Variants in SORD observed in about 807,000 individuals in gnomAD.
SORD encodes the protein (R,R)-butanediol dehydrogenase.
Under a neutral mutation model 35.6 loss-of-function variants are expected in SORD, and 18 were observed. The observed-to-expected ratio is 0.51, with a 90% CI of 0.35 to 0.75. The LOEUF is 0.75. Among genes scored for constraint, SORD ranks in the 30% least tolerant of loss-of-function variants. The pLI is 0.01. For missense variants in SORD, 250 were observed against 390.2 expected (o/e 0.64, Z 3.03); for synonymous variants, 106 against 152.9 (o/e 0.69, Z 2.26).
intron 4 of SORD, among the ~76,000 whole-genome samples, chr15:45,064,880 C>A (rs976391872): frequency 9.9e-5 from 15 of 152,190 alleles, no homozygotes; most frequent in Admixed American, 9.8e-4. Flanking sequence ...ATAATGTGTT[C>A]ATTTCACTGA....
At chr15:45,047,396 G>A (rs184153753) in intron 3 of SORD, among the ~76,000 whole-genome samples, 5 of 152,268 alleles carry the variant, frequency 3.3e-5, no homozygotes, top group African/African-American at 1.2e-4. Context: ...AGGCTCCAGA[G>A]GGCCCGAACA....
intron 5 of SORD, among the ~76,000 whole-genome samples, chr15:45,066,199 T>A (rs1290810666): frequency 6.8e-6 from 1 of 147,276 alleles, no homozygotes; most frequent in Non-Finnish European, 1.5e-5. Flanking sequence ...GAGCCAAGAT[T>A]GTGCCACTGC....
rs751206900 is a variant in SORD, at chr15:45,073,546, C to T, written c.*16C>T. On this transcript the variant is annotated 3_prime_UTR_variant, in exon 9 of 9. Transcript: ENST00000267814. ...GAATCCCTGATGTTAATGGGCTCTG[C>T]CCTCATCCCCACAGTCTTGGGATCT... 6 of 1,598,440 alleles carry T rather than the reference C, an allele frequency of 3.8e-6. No individual in the cohort carries two copies. Among genetic ancestry groups the T allele is most frequent in the South Asian group, 2.2e-5 (2 of 89,884 alleles).
chr15:45,053,652 T>C (rs576629926), intron 3 of SORD, among the ~76,000 whole-genome samples: 19 of 152,150 alleles, frequency 1.2e-4, no homozygotes, highest in African/African-American at 4.3e-4. Context: ...TTTTATTTTA[T>C]TATTATTATA....
Position 45,068,238 on chromosome 15 carries a change from T to G in SORD, c.602T>G (p.Val201Gly), listed in dbSNP as rs201399365. 6.2e-7 allele frequency: 1 copy of G among 1,612,214 alleles called. No individual in the cohort carries two copies. The highest frequency in any genetic ancestry group is 8.5e-7 in the Non-Finnish European group (1 of 1,178,252). ...AAAGCAATGGGAGCAGCTCAAGTAG[T>G]GGTGACTGGTAAGACTTTGTTCTTT... is the stretch of plus-strand genomic sequence containing the variant. ...VAKAMGAAQV[V>G]VTDLSATRLS... Residue 201 changes from valine (V) to glycine (G), a missense_variant, in exon 6 of 9, where the codon GTG becomes GGG. By Grantham distance (109) the Val-to-Gly change is moderately radical. This residue lies in a region of SORD where 126 missense variants were observed against 148.7 expected (regional missense o/e 0.85). Transcript: ENST00000267814.
chr15:45,031,733 C>T (rs141343604), intron 1 of SORD, among the ~76,000 whole-genome samples: 10,490 of 147,830 alleles, frequency 0.071, 5 homozygotes, highest in East Asian at 0.31. Flanking sequence ...CTGGGATCAC[C>T]GGTGTGAGCC....
Position 45,065,265 on chromosome 15 carries a change from C to A in SORD, c.426-6C>A, listed in dbSNP as rs1893385885. 1 of 1,608,764 alleles carries A rather than the reference C, an allele frequency of 6.2e-7. No individual in the cohort carries two copies. Among genetic ancestry groups the A allele is most frequent in the Non-Finnish European group, 8.5e-7 (1 of 1,176,648 alleles). Reference sequence around the variant, plus strand: ...GAGGATCTCTGTGTGTCAATTGACTCCTCAGGCTTCCTGACAATGTCACCT... The same window carrying A: ...GAGGATCTCTGTGTGTCAATTGACTACTCAGGCTTCCTGACAATGTCACCT... On this transcript the variant is annotated splice_polypyrimidine_tract_variant and splice_region_variant and intron_variant, in intron 4 of 8. Transcript: ENST00000267814.
intron 4 of SORD, among the ~76,000 whole-genome samples, chr15:45,061,655 T>C (rs1261314997): frequency 1.3e-5 from 2 of 151,758 alleles, no homozygotes; most frequent in Non-Finnish European, 2.9e-5. Context: ...ATCATGAGAT[T>C]AGGAGATCGA....
chr15:45,061,145 C>T lies in SORD; in HGVS notation c.344C>T (p.Pro115Leu). The T allele has an allele frequency of 1.2e-6, 2 of 1,614,138 alleles. No individual in the cohort carries two copies. The highest frequency in any genetic ancestry group is 1.7e-6 in the Non-Finnish European group (2 of 1,180,004). The change falls in exon 4 of 9, where the codon CCT becomes CTT. Residue 115 changes from proline (P) to leucine (L), a missense_variant. Coordinates refer to ENST00000267814, the MANE Select transcript of SORD (RefSeq NM_003104.6). ...AAGATGGGCCGATACAATCTGTCACCTTCCATCTTCTTCTGTGCCACGCCC... is the reference window on the plus strand; with the variant it reads ...AAGATGGGCCGATACAATCTGTCACTTTCCATCTTCTTCTGTGCCACGCCC... ...FCKMGRYNLS[P>L]SIFFCATPPD...
chr15:45,067,479 A>G (rs937371133), intron 5 of SORD, among the ~76,000 whole-genome samples: 4 of 152,072 alleles, frequency 2.6e-5, no homozygotes, highest in Non-Finnish European at 5.9e-5. Context: ...ATTTTTCAGT[A>G]TTTTGTTTTC....
intron 1 of SORD, among the ~76,000 whole-genome samples, chr15:45,030,298 A>T (rs1009242739): frequency 2.0e-5 from 3 of 152,194 alleles, no homozygotes; most frequent in African/African-American, 4.8e-5. Context: ...CTAAGGGGAG[A>T]CCCTAGAATT....
At chr15:45,052,598 G>A (rs893518807) in intron 3 of SORD, among the ~76,000 whole-genome samples, 3 of 152,282 alleles carry the variant, frequency 2.0e-5, no homozygotes, top group African/African-American at 7.2e-5. Context: ...GAGGTTTGGG[G>A]TTTGATAGTC....
At chr15:45,051,614 G>A (rs1282760626) in intron 3 of SORD, among the ~76,000 whole-genome samples, 5 of 152,184 alleles carry the variant, frequency 3.3e-5, no homozygotes, top group Non-Finnish European at 7.3e-5. Flanking sequence ...TCATTAAGAG[G>A]GAGGACTTAG....
intron 4 of SORD, among the ~76,000 whole-genome samples, chr15:45,062,294 C>T (rs550404612): frequency 6.6e-6 from 1 of 152,240 alleles, no homozygotes; most frequent in African/African-American, 2.4e-5. Flanking sequence ...TGTGCCCACT[C>T]CCCTACCCTA....
intron 3 of SORD, among the ~76,000 whole-genome samples, chr15:45,057,969 C>T (rs1893244289): frequency 6.6e-6 from 1 of 152,194 alleles, no homozygotes; most frequent in Admixed American, 6.5e-5. Context: ...CTTGAATTCT[C>T]CCTGTTTCTA....
intron 3 of SORD, among the ~76,000 whole-genome samples, chr15:45,055,303 G>A (rs1001388833): frequency 2.2e-4 from 34 of 151,878 alleles, no homozygotes; most frequent in Non-Finnish European, 3.1e-4. Flanking sequence ...AATGATAAAG[G>A]GGATATCACC....
chr15:45,036,660 C>G lies in SORD; in HGVS notation c.67-3748C>G, dbSNP rs1359344598. On this transcript the variant is annotated intron_variant, in intron 1 of 8. Coordinates refer to ENST00000267814, the MANE Select transcript of SORD (RefSeq NM_003104.6). ...GAGGCTGCAGTGAGCCGAGATCGTG[C>G]CACTGCACTGTAGCCTGAGTGCAGT... 2.0e-5 allele frequency among the ~76,000 whole-genome samples: 3 copies of G among 152,272 alleles called. No individual in the cohort carries two copies. In the East Asian group the frequency reaches 5.8e-4, roughly 29 times the overall value.
intron 3 of SORD, among the ~76,000 whole-genome samples, chr15:45,059,473 A>T (rs1893267925): frequency 6.6e-6 from 1 of 152,304 alleles, no homozygotes; most frequent in Admixed American, 6.5e-5. Flanking sequence ...ACATTGGAAC[A>T]CTATTCAGCC....
At chr15:45,028,183 T>C (rs1892708129) in intron 1 of SORD, among the ~76,000 whole-genome samples, 1 of 152,072 alleles carries the variant, frequency 6.6e-6, no homozygotes, top group African/African-American at 2.4e-5. Context: ...AAAAATTAAC[T>C]GGGTGTGGTG....
Sources: gnomAD v4.1 joint callset for allele counts (sites outside exome capture counted in the v4.1 genomes callset) on GRCh38, gnomAD v4.1.1 for gene constraint, gnomAD v4.1.1 regional missense constraint, MANE v1.5 for transcripts, NCBI Gene and HGNC (gene_info 2026-07-23, HGNC 2026-07-21) for gene names.